NLRP12: variants seen among roughly 807,000 people sequenced by gnomAD.
NLRP12 encodes NLR family pyrin domain containing 12.
In NLRP12, 108 loss-of-function variants were observed where a neutral mutation model predicts 91.2. The ratio of observed to expected loss-of-function variants is 1.18; its 90% CI spans 1.01 to 1.39. NLRP12 has a LOEUF of 1.39. Ranked by LOEUF, NLRP12 falls within the 40% of genes most tolerant of loss-of-function variation. NLRP12 has a pLI of 0.00. For synonymous variants in NLRP12, 613 were observed against 566.7 expected, an observed-to-expected ratio of 1.08 and a Z score of -1.16; for missense variants, 1,530 against 1,352.7, an observed-to-expected ratio of 1.13 and a Z score of -2.06.
chr19:53,808,767 GTGT>G (rs2092004129), intron 3 of NLRP12: 1 of 152,142 alleles, frequency 6.6e-6, no homozygotes, highest in Non-Finnish European at 1.5e-5. Flanking sequence ...GTCCCAATGG[GTGT>G]TGTTTAGTCT....
In NLRP12 at chr19:53,809,666, A is replaced by G; in HGVS notation, c.1993T>C (p.Leu665=). The change falls in exon 3 of 10, where the codon TTG becomes CTG. Residue 665 remains leucine, a synonymous_variant. Coordinates refer to ENST00000324134, the MANE Select transcript of NLRP12 (RefSeq NM_144687.4). The part of the protein sequence containing the change: ...KRCRSAQVLH[L]YGATYSADGE... ...TCCGCGCTGTAGGTGGCGCCATACA[A>G]GTGCAGCACCTGGGCGCTCCTGCAG... The G allele has an allele frequency of 6.2e-7, 1 of 1,613,996 alleles. No individual in the cohort carries two copies. Among genetic ancestry groups the G allele is most frequent in the Non-Finnish European group, 8.5e-7 (1 of 1,179,996 alleles).
intron 9 of NLRP12, among the ~76,000 whole-genome samples, chr19:53,795,374 A>G (rs2091734776): frequency 8.7e-6 from 1 of 115,552 alleles, no homozygotes; most frequent in Admixed American, 8.9e-5. Context: ...TTCAACAGAC[A>G]AGGAAATTTT....
chr19:53,819,447 A>ATGTGTG lies in NLRP12; in HGVS notation c.289+4438_289+4439insCACACA, dbSNP rs1401991028. On this transcript the variant is annotated intron_variant, in intron 1 of 9. Coordinates refer to ENST00000324134, the MANE Select transcript of NLRP12 (RefSeq NM_144687.4). ...TATATATATATATATATATATATATATATATATATATGTGTGTGTGTGTGT... is the reference window on the plus strand; with the variant it reads ...TATATATATATATATATATATATATATGTGTGTATATATATATGTGTGTGTGTGTGT... Among the ~76,000 whole-genome samples, 10 of 17,088 alleles carry ATGTGTG rather than the reference A, an allele frequency of 5.9e-4. 1 individual carries two copies. The highest frequency in any genetic ancestry group is 1.7e-3 in the African/African-American group (9 of 5,288). 11.2% of individuals were successfully genotyped at this position (17,088 alleles called of 152,430 possible).
intron 4 of NLRP12, 36 bp from the exon 5 acceptor site, chr19:53,805,486 TC>T: frequency 6.2e-7 from 1 of 1,610,040 alleles, no homozygotes; most frequent in East Asian, 2.2e-5. Context: ...GCTGGTCATT[TC>T]TTTTGCTCCA....
At chr19:53,813,883 G>C (rs1261721797) in intron 2 of NLRP12, among the ~76,000 whole-genome samples, 1 of 150,778 alleles carries the variant, frequency 6.6e-6, no homozygotes, top group East Asian at 1.9e-4. Flanking sequence ...TTTTTGTAGA[G>C]ATGGGGTCTT....
At chr19:53,796,081 T>A (rs745380274) in intron 8 of NLRP12, 52 bp from the exon 9 acceptor site, 5 of 1,563,154 alleles carry the variant, frequency 3.2e-6, no homozygotes. Context: ...ACTTATGTTA[T>A]TCGGAGGCAG....
intron 1 of NLRP12, among the ~76,000 whole-genome samples, chr19:53,823,236 T>A (rs1208164008): frequency 7.0e-6 from 1 of 142,124 alleles, no homozygotes; most frequent in Admixed American, 7.6e-5. Context: ...ATATATGTAT[T>A]AAATATTTAA....
In NLRP12 at chr19:53,801,282, C is replaced by G. The variant is rs104895568; in HGVS notation, c.2701G>C (p.Val901Leu). 4.8e-4 allele frequency: 781 copies of G among 1,613,790 alleles called. 3 individuals carry two copies. In the African/African-American group the frequency reaches 9.0e-3, roughly 19 times the overall value. Reference protein sequence around the residue: ...LSLNELGDLGVLLLCEGLRHP... With the variant: ...LSLNELGDLGLLLLCEGLRHP... ...CTGAGGCCCTCACACAGCAGCAGCA[C>G]CCCGAGGTCCCCCAGCTCATTCAGG... Residue 901 changes from valine (V) to leucine (L), a missense_variant, in exon 7 of 10, where the codon GTG becomes CTG. Coordinates refer to ENST00000324134, the MANE Select transcript of NLRP12 (RefSeq NM_144687.4).
At chr19:53,809,001 G>A (rs550238457) in intron 3 of NLRP12, among the ~76,000 whole-genome samples, 5 of 151,924 alleles carry the variant, frequency 3.3e-5, no homozygotes, top group African/African-American at 1.2e-4. Context: ...CAAGGTGGGT[G>A]GATCACTTGA....
rs903100692 is a variant in NLRP12 at position 53,810,120 on chromosome 19, GA to G, written c.1538del (p.Ile513ThrfsTer3). ...DINCERYYSF[I>X]HLSFQEFFAA... ...CAAAGAATTCCTGGAAACTCAAGTGGATGAAGCTGTAGTACCTCTCACAGTT... is the reference window on the plus strand; with the variant it reads ...CAAAGAATTCCTGGAAACTCAAGTGGTGAAGCTGTAGTACCTCTCACAGTT... On this transcript the variant is annotated frameshift_variant, in exon 3 of 10. Transcript: ENST00000324134. LOFTEE classifies it high-confidence loss of function. 6.2e-6 allele frequency: 10 copies of G among 1,614,084 alleles called. No individual in the cohort carries two copies. Among genetic ancestry groups the G allele is most frequent in the Non-Finnish European group, 6.8e-6 (8 of 1,180,030 alleles).
At position 53,796,762 on chromosome 19, in the gene NLRP12, C is replaced by T. The variant is rs981707134; in HGVS notation, c.2928-733G>A. Among the ~76,000 whole-genome samples the T allele has an allele frequency of 9.9e-5, 15 of 151,842 alleles. No homozygotes were observed. In the East Asian group the frequency reaches 1.2e-3, roughly 12 times the overall value. On this transcript the variant is annotated intron_variant, in intron 8 of 9. Transcript: ENST00000324134. ...CTGTAATTCCAGCACTTTGGGAGGC[C>T]GAGGCAGGCAGATCACCTGAGGTCG...
rs754622221 is a variant in NLRP12 at position 53,809,679 on chromosome 19, G to C, written c.1980C>G (p.Ala660=). The change falls in exon 3 of 10, where the codon GCC becomes GCG. Residue 660 remains alanine (A), a synonymous_variant. Coordinates refer to ENST00000324134, the MANE Select transcript of NLRP12 (RefSeq NM_144687.4). Reference sequence around the variant, plus strand: ...TGGCGCCATACAAGTGCAGCACCTGGGCGCTCCTGCAGCGCTTCAGACAGA... The same window carrying C: ...TGGCGCCATACAAGTGCAGCACCTGCGCGCTCCTGCAGCGCTTCAGACAGA... ...SSFCLKRCRS[A]QVLHLYGATY... is the part of the protein sequence containing the mutation. The C allele has an allele frequency of 6.8e-6, 11 of 1,614,038 alleles. No homozygotes were observed. In the South Asian group the frequency reaches 1.1e-4, roughly 16 times the overall value.
intron 1 of NLRP12, among the ~76,000 whole-genome samples, chr19:53,823,357 TAATA>T (rs1226320048): frequency 1.5e-5 from 2 of 134,932 alleles, no homozygotes; most frequent in Non-Finnish European, 3.1e-5. Flanking sequence ...ATACCATATT[TAATA>T]TATATTTAAT....
In NLRP12 at chr19:53,811,041, G is replaced by A. The variant is rs1357903998; in HGVS notation, c.618C>T (p.Arg206=). The A allele has an allele frequency of 1.2e-6, 2 of 1,612,828 alleles. No homozygotes were observed. The highest frequency in any genetic ancestry group is 1.1e-5 in the South Asian group (1 of 91,066). ...TGACCACGGTGCGCGGTGGCTCGGGGCGCTCCTCGTCTGGCTCAAAGAGGG... is the reference window on the plus strand; with the variant it reads ...TGACCACGGTGCGCGGTGGCTCGGGACGCTCCTCGTCTGGCTCAAAGAGGG... ...IETLFEPDEE[R]PEPPRTVVMQ... Residue 206 remains arginine (R), a synonymous_variant, in exon 3 of 10, where the codon CGC becomes CGT. Transcript: ENST00000324134.
chr19:53,796,346 G>T (rs1211546885), intron 8 of NLRP12, among the ~76,000 whole-genome samples: 2 of 151,720 alleles, frequency 1.3e-5, no homozygotes, highest in East Asian at 1.9e-4. Flanking sequence ...CTGCCTCCCG[G>T]GTTCAAGTGA....
At position 53,796,037 on chromosome 19, in the gene NLRP12, A is replaced by C. The variant is rs756212352; in HGVS notation, c.2928-8T>G. 6 of 1,613,850 alleles carry C rather than the reference A, an allele frequency of 3.7e-6. No homozygotes were observed. The highest frequency in any genetic ancestry group is 1.3e-5 in the African/African-American group (1 of 74,924). On this transcript the variant is annotated splice_polypyrimidine_tract_variant and splice_region_variant and intron_variant, in intron 8 of 9. Coordinates refer to ENST00000324134, the MANE Select transcript of NLRP12 (RefSeq NM_144687.4). ...AGGCCACAGCTATCCAGCCTGGTGA[A>C]GATAAGGAGTTGGTTAAGGTAACAC... is the stretch of plus-strand genomic sequence containing the variant.
intron 3 of NLRP12, chr19:53,808,103 G>T (rs990502088): frequency 1.2e-4 from 41 of 344,232 alleles, no homozygotes; most frequent in South Asian, 9.2e-4. Flanking sequence ...CTGTTGTCTA[G>T]GCTGGAGTGC....
chr19:53,809,893 A>C lies in NLRP12; in HGVS notation c.1766T>G (p.Met589Arg). 1 of 1,614,104 alleles carries C rather than the reference A, an allele frequency of 6.2e-7. No individual in the cohort carries two copies. Among genetic ancestry groups the C allele is most frequent in the Non-Finnish European group, 8.5e-7 (1 of 1,180,036 alleles). Residue 589 changes from methionine (M) to arginine (R), a missense_variant, in exon 3 of 10, where the codon ATG (methionine) becomes AGG (arginine). Physicochemically the swap from Met to Arg is moderately conservative, Grantham distance 91 (BLOSUM62 -1). Coordinates refer to ENST00000324134, the MANE Select transcript of NLRP12 (RefSeq NM_144687.4). ...GCTTTGGATCCACTGCAACAGGTCC[A>C]TCTTGATGTGCGGCGAGACCTTCCA... Reference protein sequence around the residue: ...LCWKVSPHIKMDLLQWIQSKA... With the variant: ...LCWKVSPHIKRDLLQWIQSKA...
intron 6 of NLRP12, among the ~76,000 whole-genome samples, chr19:53,801,703 C>G (rs1405611789): frequency 6.6e-6 from 1 of 151,808 alleles, no homozygotes; most frequent in South Asian, 2.1e-4. Context: ...GATATGCCTG[C>G]CTCAGCCTCC....
Sources: allele counts gnomAD v4.1 joint callset (sites outside exome capture counted in the v4.1 genomes callset), GRCh38; gene constraint gnomAD v4.1.1; transcripts MANE v1.5; gene names NCBI Gene and HGNC (gene_info 2026-07-23, HGNC 2026-07-21).